The following PACRG variants were observed in gnomAD, a reference collection of about 807,000 sequenced individuals.
PACRG encodes parkin coregulated gene protein.
PACRG carries 29 observed loss-of-function variants against 29.7 expected under a neutral mutation model. The ratio of observed to expected loss-of-function variants is 0.98; its 90% CI spans 0.73 to 1.33. PACRG has a LOEUF of 1.33. Among genes scored for constraint, PACRG ranks in the 40% most tolerant of loss-of-function variants. The pLI, the probability that PACRG is intolerant of heterozygous loss-of-function variation, is 0.00. For missense variants in PACRG, 279 were observed against 316.2 expected (o/e 0.88, Z 0.89); for synonymous variants, 116 against 118.7 (o/e 0.98, Z 0.15).
intron 2 of PACRG, among the ~76,000 whole-genome samples, chr6:162,893,631 C>T (rs992847471): frequency 6.6e-6 from 1 of 152,174 alleles, no homozygotes; most frequent in Non-Finnish European, 1.5e-5. Flanking sequence ...TTCCCCAAAA[C>T]GTGCTTTCCT....
At chr6:163,017,679 G>C (rs1020765110) in intron 2 of PACRG, among the ~76,000 whole-genome samples, 1 of 152,120 alleles carries the variant, frequency 6.6e-6, no homozygotes, top group African/African-American at 2.4e-5. Context: ...TTGAGAGAGA[G>C]AGACAGACAG....
intron 4 of PACRG, among the ~76,000 whole-genome samples, chr6:163,295,152 A>T (rs1318002130): frequency 9.9e-5 from 15 of 152,264 alleles, no homozygotes; most frequent in African/African-American, 3.6e-4. Flanking sequence ...AGCCAAAAAT[A>T]GTTGAATATT....
At chr6:163,013,262 G>GTTTGTTTATTTATTTATTTATTTATTTA (rs1554334864) in intron 2 of PACRG, among the ~76,000 whole-genome samples, 1 of 150,096 alleles carries the variant, frequency 6.7e-6, no homozygotes, top group African/African-American at 2.5e-5. Context: ...TTGACTTAAA[G>GTTTGTTTATTTATTTATTTATTTATTTA]TTTATTTATT....
At chr6:162,813,725 T>C (rs1304675601) in intron 1 of PACRG, among the ~76,000 whole-genome samples, 2 of 152,124 alleles carry the variant, frequency 1.3e-5, no homozygotes, top group South Asian at 2.1e-4. Flanking sequence ...TATAGAAAGA[T>C]TGAAATGTTT....
intron 2 of PACRG, among the ~76,000 whole-genome samples, chr6:162,837,310 A>G (rs1562647339): frequency 6.6e-6 from 1 of 152,166 alleles, no homozygotes. Flanking sequence ...GTGCTGATAA[A>G]GAGTATTTGG....
chr6:162,791,613 T>A (rs1251946288), intron 1 of PACRG, among the ~76,000 whole-genome samples: 1 of 152,198 alleles, frequency 6.6e-6, no homozygotes, highest in Non-Finnish European at 1.5e-5. Context: ...GTGTAATGAA[T>A]TAATGAATGT....
At chr6:162,758,539 A>C (rs1782108726) in intron 1 of PACRG, among the ~76,000 whole-genome samples, 1 of 152,202 alleles carries the variant, frequency 6.6e-6, no homozygotes. Flanking sequence ...AGATAAAAAT[A>C]TGTAGATGAT....
At chr6:162,812,105 T>A (rs1786920856) in intron 1 of PACRG, among the ~76,000 whole-genome samples, 3 of 152,098 alleles carry the variant, frequency 2.0e-5, no homozygotes, top group Admixed American at 2.0e-4. Flanking sequence ...AGAAAGAGTG[T>A]GGCTGTATAA....
At chr6:162,868,995 G>T (rs1363097565) in intron 2 of PACRG, among the ~76,000 whole-genome samples, 1 of 152,164 alleles carries the variant, frequency 6.6e-6, no homozygotes, top group African/African-American at 2.4e-5. Context: ...CATCACGCAG[G>T]TACACAGAGG....
intron 2 of PACRG, among the ~76,000 whole-genome samples, chr6:162,968,352 A>G (rs539126392): frequency 2.0e-5 from 3 of 152,370 alleles, no homozygotes; most frequent in South Asian, 4.1e-4. Flanking sequence ...GGATTGTTAT[A>G]TAACTCCTTC....
chr6:162,885,438 T>C (rs1044027377), intron 2 of PACRG, among the ~76,000 whole-genome samples: 3 of 151,974 alleles, frequency 2.0e-5, no homozygotes, highest in Non-Finnish European at 4.4e-5. Context: ...CCTGGATAGT[T>C]TTTGTATTTT....
intron 1 of PACRG, among the ~76,000 whole-genome samples, chr6:162,802,639 A>G (rs890340855): frequency 2.0e-5 from 3 of 152,146 alleles, no homozygotes; most frequent in Non-Finnish European, 2.9e-5. Flanking sequence ...AGGCTCCTAT[A>G]GAATACAGAT....
intron 1 of PACRG, among the ~76,000 whole-genome samples, chr6:162,732,286 A>G (rs1779829419): frequency 6.6e-6 from 1 of 152,188 alleles, no homozygotes; most frequent in South Asian, 2.1e-4. Context: ...CTTCAGGTGG[A>G]GGAGAGAAAA....
Position 162,810,756 on chromosome 6 carries a change from A to G in PACRG, c.157-3391A>G, listed in dbSNP as rs183200468. Among the ~76,000 whole-genome samples, 349 of 152,322 alleles carry G rather than the reference A, an allele frequency of 2.3e-3. 1 individual carries two copies. The highest frequency in any genetic ancestry group is 4.1e-3 in the Non-Finnish European group (282 of 68,026). ...AAGTTACCCAATATGAACGACAGAG[A>G]AAACAGGCTGGAAAAAGAAAAAGTT... On this transcript the variant is annotated intron_variant, in intron 1 of 4. Transcript: ENST00000366888.
At chr6:163,121,045 C>T (rs886102850) in intron 4 of PACRG, among the ~76,000 whole-genome samples, 4 of 152,144 alleles carry the variant, frequency 2.6e-5, no homozygotes, top group African/African-American at 9.7e-5. Flanking sequence ...TTTCTATGGT[C>T]AAAGTCATAA....
intron 4 of PACRG, among the ~76,000 whole-genome samples, chr6:163,094,163 C>A (rs1814363450): frequency 1.3e-5 from 2 of 152,156 alleles, no homozygotes; most frequent in Admixed American, 1.3e-4. Flanking sequence ...ACAGCAGCAA[C>A]AAAACCTTCA....
upstream of PACRG, chr6:162,727,941 G>T: frequency 1.7e-6 from 1 of 593,114 alleles, no homozygotes; most frequent in Non-Finnish European, 3.0e-6. Context: ...GTCACCGGGG[G>T]GCGGGGCTAT....
At chr6:162,913,244 C>A (rs1389421725) in intron 2 of PACRG, among the ~76,000 whole-genome samples, 2 of 152,290 alleles carry the variant, frequency 1.3e-5, no homozygotes, top group African/African-American at 2.4e-5. Context: ...TGGTCCCAAG[C>A]CTTTCCTCTG....
intron 2 of PACRG, among the ~76,000 whole-genome samples, chr6:162,905,455 G>T (rs1209102506): frequency 6.6e-6 from 1 of 152,188 alleles, no homozygotes; most frequent in African/African-American, 2.4e-5. Context: ...AGCATTTACA[G>T]TCACTAAGTG....
Sources: allele counts gnomAD v4.1 joint callset (sites outside exome capture counted in the v4.1 genomes callset), GRCh38; gene constraint gnomAD v4.1.1; transcripts MANE v1.5; gene names NCBI Gene and HGNC (gene_info 2026-07-23, HGNC 2026-07-21).